PXDN: variants seen among roughly 807,000 people sequenced by gnomAD.
PXDN encodes peroxidasin.
Under a neutral mutation model 140.3 loss-of-function variants are expected in PXDN, and 77 were observed. The ratio of observed to expected loss-of-function variants is 0.55; its 90% CI spans 0.46 to 0.66. The LOEUF is 0.66. Ranked by LOEUF, PXDN falls within the 30% of genes least tolerant of loss-of-function variation. The pLI, the probability that PXDN is intolerant of heterozygous loss-of-function variation, is 0.00. For synonymous variants in PXDN, 911 were observed against 857.4 expected (o/e 1.06, Z -1.09); for missense variants, 1,838 against 2,039.5 (o/e 0.90, Z 1.90).
At chr2:1,643,347 C>A (rs373694785) in intron 19 of PXDN, 21 bp downstream of exon 19, 177 of 1,607,248 alleles carry the variant, frequency 1.1e-4, no homozygotes, top group Non-Finnish European at 1.5e-4. Flanking sequence ...AAGGAACAGA[C>A]ATGGTGCCCC....
In PXDN at chr2:1,733,068, C is replaced by T. The variant is rs372533143; in HGVS notation, c.200+11188G>A. On this transcript the variant is annotated intron_variant, in intron 1 of 22. Coordinates refer to ENST00000252804, the MANE Select transcript of PXDN (RefSeq NM_012293.3). ...ACACATAGAGAAAAAGGCACAGTAA[C>T]AAAAAATTAAGCAATGGATGAGAGA... is the stretch of plus-strand genomic sequence containing the variant. 3.3e-5 allele frequency among the ~76,000 whole-genome samples: 5 copies of T among 151,988 alleles called. No homozygotes were observed. In the East Asian group the frequency reaches 7.8e-4, roughly 24 times the overall value.
chr2:1,654,545 T>C (rs1683087773), intron 14 of PXDN, 37 bp from the exon 15 acceptor site: 4 of 1,362,312 alleles, frequency 2.9e-6, no homozygotes, highest in East Asian at 2.3e-5. Context: ...CCAGGAAAAA[T>C]ACTGCACAAT....
intron 1 of PXDN, among the ~76,000 whole-genome samples, chr2:1,699,739 AT>A (rs200239254): frequency 7.0e-5 from 10 of 142,758 alleles, no homozygotes; most frequent in Non-Finnish European, 1.6e-4. Context: ...ACAAACAAAA[AT>A]AAATAAGAGT....
At chr2:1,669,721 C>G (rs1683531737) in intron 9 of PXDN, 1 of 152,102 alleles carries the variant, frequency 6.6e-6, no homozygotes, top group African/African-American at 2.4e-5. Flanking sequence ...CACCTGTAGT[C>G]CCAGCTACTC....
intron 22 of PXDN, 103 bp from the exon 23 acceptor site, chr2:1,634,426 GGCCTTGCCCTGAGGCCCCT>G: frequency 1.4e-6 from 2 of 1,415,742 alleles, no homozygotes; most frequent in Non-Finnish European, 1.9e-6. Flanking sequence ...CCATGAGTCA[GGCCTTGCCCTGAGGCCCCT>G]GCCTTGCCCG....
chr2:1,716,991 G>A (rs1684910650), intron 1 of PXDN, among the ~76,000 whole-genome samples: 1 of 152,096 alleles, frequency 6.6e-6, no homozygotes. Flanking sequence ...CCTGCTCTCT[G>A]ACCCACTCTC....
intron 21 of PXDN, among the ~76,000 whole-genome samples, chr2:1,638,254 C>T (rs548891365): frequency 2.6e-4 from 39 of 152,254 alleles, no homozygotes; most frequent in Admixed American, 9.8e-4. Flanking sequence ...CACCCCCTTA[C>T]GTAAAATCCC....
chr2:1,744,436 C>T lies in PXDN; in HGVS notation c.20G>A (p.Gly7Asp), dbSNP rs1200631369. 3.3e-6 allele frequency: 5 copies of T among 1,497,748 alleles called. No individual in the cohort carries two copies. Among genetic ancestry groups the T allele is most frequent in the East Asian group, 5.5e-5 (2 of 36,164 alleles). 92.8% of individuals were successfully genotyped at this position (1,497,748 alleles called of 1,614,324 possible). A position where few individuals can be genotyped will look rare whatever the true frequency, so the allele number is the denominator to read the frequency against. Residue 7 changes from glycine (G) to aspartate (D), a missense_variant, in exon 1 of 23, where the codon GGC becomes GAC. By Grantham distance (94) the Gly-to-Asp change is moderately conservative. Transcript: ENST00000252804. ...CGCCAACAGGCAGCGGCGCCCGGGG[C>T]CCCTGGAGCGCTTGGCCATGGCCGA... MAKRSR[G>D]PGRRCLLALV...
chr2:1,635,461 G>A lies in PXDN; in HGVS notation c.4267C>T (p.His1423Tyr), dbSNP rs2125400134. 1 of 1,603,092 alleles carries A rather than the reference G, an allele frequency of 6.2e-7. No individual in the cohort carries two copies. The highest frequency in any genetic ancestry group is 8.5e-7 in the Non-Finnish European group (1 of 1,174,350). Residue 1423 changes from histidine (H) to tyrosine (Y), a missense_variant, in exon 22 of 23, where the codon CAC becomes TAC. By Grantham distance (83) the His-to-Tyr change is moderately conservative. This residue lies in a region of PXDN where 850 missense variants were observed against 894.1 expected (regional missense o/e 0.95). Transcript: ENST00000252804. ...TECVDAGGES[H>Y]ANNTKWKKDA... ...TTTTTCCACTTGGTGTTGTTGGCGT[G>A]AGATTCGCCCCCGGCATCCACGCAC...
chr2:1,709,814 C>T (rs894601851), intron 1 of PXDN, among the ~76,000 whole-genome samples: 5 of 152,200 alleles, frequency 3.3e-5, no homozygotes, highest in Admixed American at 3.3e-4. Flanking sequence ...TCTCTTTCTC[C>T]ACCATGTGAG....
intron 1 of PXDN, among the ~76,000 whole-genome samples, chr2:1,736,903 G>A (rs1484139345): frequency 6.6e-6 from 1 of 152,168 alleles, no homozygotes; most frequent in East Asian, 1.9e-4. Flanking sequence ...ACAGTCACTG[G>A]TCAAGCCTCT....
intron 14 of PXDN, among the ~76,000 whole-genome samples, chr2:1,659,419 A>C (rs1346762967): frequency 6.6e-6 from 1 of 152,240 alleles, no homozygotes. Context: ...ATACAATTTT[A>C]TATAATTTTA....
intron 7 of PXDN, among the ~76,000 whole-genome samples, chr2:1,679,671 T>G (rs929336318): frequency 6.1e-5 from 9 of 147,838 alleles, no homozygotes; most frequent in Non-Finnish European, 1.2e-4. Flanking sequence ...ATGGTGTGTG[T>G]GGATGGCACA....
At chr2:1,675,240 G>A (rs1399374123) in intron 8 of PXDN, among the ~76,000 whole-genome samples, 1 of 152,180 alleles carries the variant, frequency 6.6e-6, no homozygotes, top group Non-Finnish European at 1.5e-5. Flanking sequence ...GGTAAGGCCA[G>A]CCGGCAGGTG....
At chr2:1,706,363 C>T (rs551583936) in intron 1 of PXDN, among the ~76,000 whole-genome samples, 15 of 152,320 alleles carry the variant, frequency 9.8e-5, no homozygotes, top group East Asian at 7.7e-4. Context: ...AAATCGGACA[C>T]GGTCTCACTG....
At chr2:1,642,268 CACAG>C (rs1442072269) in intron 19 of PXDN, among the ~76,000 whole-genome samples, 3 of 152,150 alleles carry the variant, frequency 2.0e-5, no homozygotes, top group Non-Finnish European at 2.9e-5. Context: ...CGCACACAGA[CACAG>C]AGGCACGCAC....
rs1250203210 is a variant in PXDN at position 1,648,917 on chromosome 2, G to A, written c.2863C>T (p.Pro955Ser). 6.3e-7 allele frequency: 1 copy of A among 1,599,782 alleles called. No individual in the cohort carries two copies. The highest frequency in any genetic ancestry group is 1.1e-5 in the South Asian group (1 of 90,310). Reference sequence around the variant, plus strand: ...TCGTCCCGCATGCACTCCGTGGGCGGCCCGGTGGCGAAGGGGAGCAGCGGC... The same window carrying A: ...TCGTCCCGCATGCACTCCGTGGGCGACCCGGTGGCGAAGGGGAGCAGCGGC... ...GKPLLPFATG[P>S]PTECMRDENE... Residue 955 changes from proline (P) to serine (S), a missense_variant, in exon 17 of 23, where the codon CCG becomes TCG. Transcript: ENST00000252804. This position sits in a 1 kb window ranked among gnomAD's most constrained non-coding sequence, Gnocchi z 8.9.
intron 6 of PXDN, among the ~76,000 whole-genome samples, chr2:1,683,047 T>C (rs1683952127): frequency 6.6e-6 from 1 of 151,992 alleles, no homozygotes; most frequent in African/African-American, 2.4e-5. Flanking sequence ...AAATATGCGC[T>C]GGAATTAAAA....
chr2:1,674,601 C>T (rs569742097), intron 8 of PXDN, among the ~76,000 whole-genome samples: 26 of 152,302 alleles, frequency 1.7e-4, no homozygotes, highest in African/African-American at 5.5e-4. Context: ...TCAGTCCTGC[C>T]GCCTCTCACC....
Sources: allele counts gnomAD v4.1 joint callset (sites outside exome capture counted in the v4.1 genomes callset), GRCh38; gene constraint gnomAD v4.1.1; regional missense constraint gnomAD v4.1.1; non-coding constraint Gnocchi (gnomAD v3.1); transcripts MANE v1.5; gene names NCBI Gene and HGNC (gene_info 2026-07-23, HGNC 2026-07-21).